Variants in UGT1A9 observed in about 807,000 individuals in gnomAD.
UGT1A9 encodes the protein UDP glucuronosyltransferase family 1 member A9, also known as UDP-glucuronosyltransferase 1A9.
UGT1A9 carries 35 observed loss-of-function variants against 45.0 expected under a neutral mutation model. The ratio of observed to expected loss-of-function variants is 0.78; its 90% CI spans 0.59 to 1.03. The LOEUF is 1.03. Among genes scored for constraint, UGT1A9 ranks in the 50% least tolerant of loss-of-function variants. The pLI is 0.00. For missense variants in UGT1A9, 687 were observed against 666.6 expected (o/e 1.03, Z -0.34); for synonymous variants, 278 against 250.6 (o/e 1.11, Z -1.03).
At chr2:233,693,863 C>T (rs1263853264) in intron 1 of UGT1A9, 1 of 1,614,066 alleles carries the variant, frequency 6.2e-7, no homozygotes, top group East Asian at 2.2e-5. Flanking sequence ...AGACTTGTCT[C>T]AGGTTGGTGG....
At chr2:233,724,425 G>C (rs1323206550) in intron 1 of UGT1A9, among the ~76,000 whole-genome samples, 9 of 126,856 alleles carry the variant, frequency 7.1e-5, no homozygotes, top group Admixed American at 1.5e-4. Context: ...CGGGCGGAGA[G>C]GCTCCTCACT....
chr2:233,768,579 CTTCT>C (rs1699650824), intron 4 of UGT1A9, 140 bp downstream of exon 4: 12 of 934,830 alleles, frequency 1.3e-5, no homozygotes, highest in African/African-American at 2.0e-5. Flanking sequence ...ATTTTTATTT[CTTCT>C]TTTTTTTTTT....
intron 1 of UGT1A9, among the ~76,000 whole-genome samples, chr2:233,711,069 T>C (rs914736641): frequency 2.6e-5 from 4 of 152,212 alleles, no homozygotes; most frequent in Non-Finnish European, 5.9e-5. Context: ...TCACCACTTA[T>C]GCTGATGGCT....
intron 1 of UGT1A9, chr2:233,760,709 C>A (rs774109568): frequency 6.2e-7 from 1 of 1,614,204 alleles, no homozygotes; most frequent in African/African-American, 1.3e-5. Flanking sequence ...GCCTCCCTGG[C>A]AGAAAGCAGC....
intron 1 of UGT1A9, chr2:233,718,041 G>A (rs2076623954): frequency 2.7e-6 from 1 of 376,114 alleles, no homozygotes; most frequent in African/African-American, 2.1e-5. Flanking sequence ...TGGTGAGCAG[G>A]AGCTCCCTGA....
intron 1 of UGT1A9, among the ~76,000 whole-genome samples, chr2:233,685,024 T>A (rs1218978440): frequency 6.6e-6 from 1 of 152,190 alleles, no homozygotes; most frequent in East Asian, 1.9e-4. Context: ...TGTGTCTGTA[T>A]GTGCAGGTGT....
chr2:233,763,116 C>G lies in UGT1A9; in HGVS notation c.856-3918C>G, dbSNP rs565550780. On this transcript the variant is annotated intron_variant, in intron 1 of 4. Transcript: ENST00000354728. ...GAGAGGCACCGAACTTTATCAGCTG[C>G]CTTTCTGGCATTTATTGATATAACC... Among the ~76,000 whole-genome samples, 8 of 152,296 alleles carry G rather than the reference C, an allele frequency of 5.3e-5. No individual in the cohort carries two copies. The South Asian group carries it at 8.3e-4, about 16-fold the overall frequency.
At chr2:233,719,270 A>T (rs775879041) in intron 1 of UGT1A9, 1 of 1,614,088 alleles carries the variant, frequency 6.2e-7, no homozygotes, top group South Asian at 1.1e-5. Flanking sequence ...ATGTGGTTTT[A>T]ACAGACCCCG....
intron 1 of UGT1A9, among the ~76,000 whole-genome samples, chr2:233,696,841 T>C (rs1401525260): frequency 1.3e-5 from 2 of 152,218 alleles, no homozygotes; most frequent in African/African-American, 2.4e-5. Flanking sequence ...TAAAGGGACG[T>C]TGAATTTTGT....
At chr2:233,749,016 A>G (rs182702501) in intron 1 of UGT1A9, among the ~76,000 whole-genome samples, 47 of 151,794 alleles carry the variant, frequency 3.1e-4, no homozygotes, top group Non-Finnish European at 5.9e-4. Flanking sequence ...TCTTTAATCC[A>G]GAATATTTGG....
At chr2:233,726,786 A>G (rs1000818718) in intron 1 of UGT1A9, among the ~76,000 whole-genome samples, 1 of 152,242 alleles carries the variant, frequency 6.6e-6, no homozygotes, top group Non-Finnish European at 1.5e-5. Context: ...TGAAACCCAC[A>G]TCTTATTCAA....
At chr2:233,695,565 C>A (rs189186940) in intron 1 of UGT1A9, among the ~76,000 whole-genome samples, 60 of 151,312 alleles carry the variant, frequency 4.0e-4, no homozygotes, top group African/African-American at 1.4e-3. Flanking sequence ...ACCATTTTCA[C>A]CCCCCCTTCC....
chr2:233,713,405 C>G (rs2076318550), intron 1 of UGT1A9: 2 of 1,614,030 alleles, frequency 1.2e-6, no homozygotes, highest in South Asian at 1.1e-5. Context: ...AGGCCCTGAT[C>G]AGGCACCTGC....
At chr2:233,734,118 T>A (rs2078484158) in intron 1 of UGT1A9, among the ~76,000 whole-genome samples, 1 of 152,034 alleles carries the variant, frequency 6.6e-6, no homozygotes, top group Non-Finnish European at 1.5e-5. Context: ...ATAATAATAA[T>A]AATAAAAAGA....
chr2:233,769,742 C>A lies in UGT1A9; in HGVS notation c.1295+1303C>A, dbSNP rs2126047976. 6.9e-7 allele frequency: 1 copy of A among 1,450,742 alleles called. No individual in the cohort carries two copies. Among genetic ancestry groups the A allele is most frequent in the Non-Finnish European group, 9.1e-7 (1 of 1,100,114 alleles). The allele number at this position is 1,450,742 out of a possible 1,614,324, so 89.9% of individuals were successfully genotyped here. ...CCATGGCACACGCCTGTAGTCCCAG[C>A]CACTCTGGAGGCTAAGGCGGGAGGA... On this transcript the variant is annotated intron_variant, in intron 4 of 4. Coordinates refer to ENST00000354728, the MANE Select transcript of UGT1A9 (RefSeq NM_021027.3). This position sits in a 1 kb window ranked among gnomAD's most constrained non-coding sequence, Gnocchi z 4.4.
chr2:233,755,023 AG>A (rs1475271740), intron 1 of UGT1A9: 1 of 1,305,718 alleles, frequency 7.7e-7, no homozygotes, highest in African/African-American at 1.5e-5. Context: ...GGGTCCTTGA[AG>A]GGCCTGCCGC....
intron 1 of UGT1A9, chr2:233,750,722 T>C (rs1694546738): frequency 6.6e-6 from 1 of 151,960 alleles, no homozygotes; most frequent in South Asian, 2.1e-4. Context: ...AGGCCATTGC[T>C]TCAGAGGGTG....
intron 4 of UGT1A9, 140 bp downstream of exon 4, chr2:233,768,579 CTTCTT>C (rs1699651499): frequency 9.6e-6 from 9 of 934,870 alleles, no homozygotes; most frequent in Non-Finnish European, 1.1e-5. Flanking sequence ...ATTTTTATTT[CTTCTT>C]TTTTTTTTTT....
chr2:233,771,657 A>G (rs1277760780), intron 4 of UGT1A9: 1 of 152,474 alleles, frequency 6.6e-6, no homozygotes, highest in Non-Finnish European at 1.5e-5. Flanking sequence ...AATATAATGA[A>G]ATTTCTCACA....
Sources: allele counts gnomAD v4.1 joint callset (sites outside exome capture counted in the v4.1 genomes callset), GRCh38; gene constraint gnomAD v4.1.1; non-coding constraint Gnocchi (gnomAD v3.1); transcripts MANE v1.5; gene names NCBI Gene and HGNC (gene_info 2026-07-23, HGNC 2026-07-21).